Variants in NBEA observed in about 807,000 individuals in gnomAD.
NBEA encodes the protein lysosomal-trafficking regulator 2.
Under a neutral mutation model 343.4 loss-of-function variants are expected in NBEA, and 44 were observed. The ratio of observed to expected loss-of-function variants is 0.13; its 90% CI spans 0.10 to 0.16. The LOEUF (loss-of-function observed/expected upper bound fraction) is 0.16, where lower values mean the gene tolerates loss of function less well. Among genes scored for constraint, NBEA ranks in the 10% least tolerant of loss-of-function variants. NBEA has a pLI of 1.00. For missense variants in NBEA, 2,555 were observed against 3,631.3 expected, an observed-to-expected ratio of 0.70 and a Z score of 7.62; for synonymous variants, 1,175 against 1,238.7, an observed-to-expected ratio of 0.95 and a Z score of 1.08.
intron 36 of NBEA, among the ~76,000 whole-genome samples, chr13:35,317,800 C>T (rs2037847649): frequency 6.6e-6 from 1 of 152,094 alleles, no homozygotes; most frequent in Non-Finnish European, 1.5e-5. Flanking sequence ...GTTTATAGTT[C>T]TCCTTGAAGA....
chr13:34,996,681 A>G (rs1196233440), intron 1 of NBEA, among the ~76,000 whole-genome samples: 4 of 152,126 alleles, frequency 2.6e-5, no homozygotes, highest in Admixed American at 6.5e-5. Flanking sequence ...GTGAATGGAA[A>G]AGGAAACATG....
Position 35,352,267 on chromosome 13 carries a change from G to T in NBEA, c.6123G>T (p.Gln2041His). ...ATGTAACAGCAAATCAGCTGAAACA[G>T]AAGATTCTCAATATTCTCACAAATA... ...RDHVTANQLK[Q>H]KILNILTNKH... Residue 2041 changes from glutamine to histidine, a missense_variant, in exon 38 of 59, where the codon CAG (glutamine) becomes CAT (histidine). By Grantham distance (24) the Gln-to-His change is conservative (BLOSUM62 0). Coordinates refer to ENST00000379939, the MANE Select transcript of NBEA (RefSeq NM_001385012.1). 6.4e-7 allele frequency: 1 copy of T among 1,555,998 alleles called. No homozygotes were observed. Among genetic ancestry groups the T allele is most frequent in the East Asian group, 2.4e-5 (1 of 42,432 alleles).
chr13:35,538,664 AC>A (rs1037147290), intron 41 of NBEA, among the ~76,000 whole-genome samples: 1 of 152,024 alleles, frequency 6.6e-6, no homozygotes, highest in African/African-American at 2.4e-5. Flanking sequence ...TTGTACAGTA[AC>A]CCCCGTGAGG....
intron 8 of NBEA, among the ~76,000 whole-genome samples, chr13:35,066,151 G>A (rs1274501838): frequency 2.0e-5 from 3 of 152,038 alleles, no homozygotes; most frequent in Admixed American, 2.0e-4. Flanking sequence ...TATGGAGACA[G>A]GGTCTTGCTC....
At chr13:35,646,730 TAGGGGAAGTAGTTC>T (rs963653305) in intron 51 of NBEA, among the ~76,000 whole-genome samples, 16 of 152,108 alleles carry the variant, frequency 1.1e-4, no homozygotes, top group African/African-American at 3.6e-4. Flanking sequence ...CAAGATACAG[TAGGGGAAGTAGTTC>T]ATTTGAATAA....
chr13:35,638,302 A>C (rs1416124411), intron 49 of NBEA, among the ~76,000 whole-genome samples: 3 of 152,172 alleles, frequency 2.0e-5, no homozygotes, highest in Non-Finnish European at 4.4e-5. Flanking sequence ...AGGATAATGA[A>C]GAGAGTTTAA....
At chr13:35,548,354 G>T (rs1189058337) in intron 41 of NBEA, among the ~76,000 whole-genome samples, 2 of 152,078 alleles carry the variant, frequency 1.3e-5, no homozygotes, top group African/African-American at 4.8e-5. Flanking sequence ...CTGATAACAT[G>T]CTTAATGGAA....
rs148357633 is a variant in NBEA at position 35,447,150 on chromosome 13, C to A, written c.6305-4942C>A. 5.6e-3 allele frequency among the ~76,000 whole-genome samples: 851 copies of A among 152,198 alleles called. 8 individuals carry two copies. Among genetic ancestry groups the A allele is most frequent in the African/African-American group, 0.019 (799 of 41,554 alleles). On this transcript the variant is annotated intron_variant, in intron 39 of 58. Coordinates refer to ENST00000379939, the MANE Select transcript of NBEA (RefSeq NM_001385012.1). ...ACATAAAGGGCACATGAACTAATTT[C>A]TTTGCCTTGATCCTGTGGCCATTCC...
chr13:35,493,810 A>C (rs1337993225), intron 41 of NBEA, among the ~76,000 whole-genome samples: 1 of 151,976 alleles, frequency 6.6e-6, no homozygotes, highest in Non-Finnish European at 1.5e-5. Flanking sequence ...AGATGAGTAC[A>C]AAATAGCAGC....
chr13:35,625,851 G>A (rs1011447312), intron 48 of NBEA, among the ~76,000 whole-genome samples: 2 of 152,074 alleles, frequency 1.3e-5, no homozygotes, highest in African/African-American at 4.8e-5. Context: ...TTAGAAACCT[G>A]GATAATACTA....
At chr13:35,141,716 A>C (rs903909098) in intron 17 of NBEA, among the ~76,000 whole-genome samples, 1 of 152,214 alleles carries the variant, frequency 6.6e-6, no homozygotes, top group African/African-American at 2.4e-5. Context: ...ATTAAGTAGA[A>C]AGATATTTTT....
chr13:35,470,389 G>A (rs1367448513), intron 40 of NBEA, among the ~76,000 whole-genome samples: 1 of 150,446 alleles, frequency 6.6e-6, no homozygotes, highest in South Asian at 2.1e-4. Flanking sequence ...TTTTTTTCAT[G>A]TTCTCAATTT....
intron 41 of NBEA, among the ~76,000 whole-genome samples, chr13:35,548,640 T>C (rs2079174198): frequency 6.6e-6 from 1 of 152,174 alleles, no homozygotes; most frequent in African/African-American, 2.4e-5. Context: ...ATAATTATTA[T>C]AGTTGAAGAT....
chr13:35,153,193 C>T (rs553853072), intron 18 of NBEA, among the ~76,000 whole-genome samples: 5 of 151,808 alleles, frequency 3.3e-5, no homozygotes, highest in South Asian at 4.2e-4. Context: ...CCACCACACC[C>T]GGGTAATTTT....
At chr13:35,091,232 A>T (rs1321073826) in intron 10 of NBEA, among the ~76,000 whole-genome samples, 2 of 152,072 alleles carry the variant, frequency 1.3e-5, no homozygotes, top group East Asian at 3.9e-4. Context: ...GTGGCCCTGG[A>T]TATGAACAGA....
At chr13:35,263,986 G>GTT (rs541983760) in intron 34 of NBEA, among the ~76,000 whole-genome samples, 4 of 146,780 alleles carry the variant, frequency 2.7e-5, no homozygotes, top group African/African-American at 5.0e-5. Flanking sequence ...ACAAAGAGTT[G>GTT]TTTTTTTTTT....
chr13:35,372,412 T>C (rs2041487049), intron 38 of NBEA, among the ~76,000 whole-genome samples: 1 of 152,056 alleles, frequency 6.6e-6, no homozygotes, highest in African/African-American at 2.4e-5. Flanking sequence ...GGCAGAGTGA[T>C]CTCCAGGCCT....
At chr13:35,471,477 G>C (rs966794366) in intron 40 of NBEA, among the ~76,000 whole-genome samples, 1 of 152,202 alleles carries the variant, frequency 6.6e-6, no homozygotes, top group Non-Finnish European at 1.5e-5. Context: ...CGATCCCCAC[G>C]TTATGTATAA....
At chr13:35,605,480 T>G (rs1384454332) in intron 47 of NBEA, among the ~76,000 whole-genome samples, 1 of 152,182 alleles carries the variant, frequency 6.6e-6, no homozygotes, top group African/African-American at 2.4e-5. Flanking sequence ...AGATTTAAAT[T>G]TCAGATGCTA....
Sources: allele counts gnomAD v4.1 joint callset (sites outside exome capture counted in the v4.1 genomes callset), GRCh38; gene constraint gnomAD v4.1.1; transcripts MANE v1.5; gene names NCBI Gene and HGNC (gene_info 2026-07-23, HGNC 2026-07-21).